The following HACE1 variants were observed in gnomAD, a reference collection of about 807,000 sequenced individuals.
The protein encoded by HACE1 is HECT domain and ankyrin repeat containing E3 ubiquitin protein ligase 1, also known as E3 ubiquitin-protein ligase HACE1.
Under a neutral mutation model 118.4 loss-of-function variants are expected in HACE1, and 73 were observed. That is an observed-to-expected ratio of 0.62 (90% CI 0.51 to 0.75). The LOEUF is 0.75. Among genes scored for constraint, HACE1 ranks in the 30% least tolerant of loss-of-function variants. The probability of loss-of-function intolerance (pLI) is 0.00; values close to 1 mark genes in which losing one functional copy is unlikely to be tolerated. For missense variants in HACE1, 749 were observed against 1,102.2 expected (o/e 0.68, Z 4.54); for synonymous variants, 368 against 374.8 (o/e 0.98, Z 0.21).
At chr6:104,844,292 C>T (rs887431756) in intron 4 of HACE1, among the ~76,000 whole-genome samples, 2 of 151,650 alleles carry the variant, frequency 1.3e-5, no homozygotes, top group Non-Finnish European at 2.9e-5. Context: ...GCCTAGGTCT[C>T]CCAAAGTGCA....
chr6:104,834,763 T>C (rs1014759188), intron 5 of HACE1, among the ~76,000 whole-genome samples: 3 of 152,160 alleles, frequency 2.0e-5, no homozygotes, highest in African/African-American at 4.8e-5. Context: ...AAAAATGTGA[T>C]TCAGATCACA....
In HACE1 at chr6:104,791,517, C is replaced by T. The variant is rs996826623; in HGVS notation, c.1061G>A (p.Ser354Asn). 2 of 1,613,052 alleles carry T rather than the reference C, an allele frequency of 1.2e-6. No individual in the cohort carries two copies. The highest frequency in any genetic ancestry group is 2.7e-5 in the African/African-American group (2 of 74,898). Reference protein sequence around the residue: ...MGYNGNKTPRSQVFKPLELLW... With the variant: ...MGYNGNKTPRNQVFKPLELLW... ...TACTTTTCTCACCTTGAACACCTGG[C>T]TTCTTGGAGTTTTATTCCCATTGTA... Residue 354 changes from serine to asparagine, a missense_variant, in exon 11 of 24, where the codon AGC becomes AAC. By Grantham distance (46) the Ser-to-Asn change is conservative. Around this residue, in one of 5 missense-constraint regions of HACE1, gnomAD observed 267 missense variants for 312.2 expected, o/e 0.86. Transcript: ENST00000262903.
intron 21 of HACE1, 134 bp downstream of exon 21, chr6:104,744,378 C>T: frequency 2.5e-6 from 2 of 799,040 alleles, no homozygotes; most frequent in Admixed American, 3.8e-5. Context: ...TTCATATGCA[C>T]TATTCCCACA....
intron 6 of HACE1, among the ~76,000 whole-genome samples, chr6:104,825,470 C>T (rs976155196): frequency 2.6e-5 from 4 of 151,822 alleles, no homozygotes; most frequent in African/African-American, 9.7e-5. Flanking sequence ...ATCAGACTAA[C>T]TGAAGGTAGT....
rs970429434 is a variant in HACE1 at position 104,729,475 on chromosome 6, G to A, written c.*187C>T. ...TACTGTGATTTTATATTTTCTAATT[G>A]TATCACAAACAGAGAAAACATAAAA... On this transcript the variant is annotated 3_prime_UTR_variant, in exon 24 of 24. Coordinates refer to ENST00000262903, the MANE Select transcript of HACE1 (RefSeq NM_020771.4). 1.3e-5 allele frequency: 8 copies of A among 597,584 alleles called. No homozygotes were observed. The highest frequency in any genetic ancestry group is 2.1e-5 in the Non-Finnish European group (7 of 335,860). The allele number at this position is 597,584 out of a possible 1,614,324, so 37.0% of individuals were successfully genotyped here.
At chr6:104,773,700 T>C (rs1780874069) in intron 17 of HACE1, among the ~76,000 whole-genome samples, 1 of 152,088 alleles carries the variant, frequency 6.6e-6, no homozygotes, top group Non-Finnish European at 1.5e-5. Flanking sequence ...CCTAGCTCTG[T>C]GTTTAATTCC....
chr6:104,735,267 G>A (rs887368734), intron 22 of HACE1, among the ~76,000 whole-genome samples: 15 of 151,624 alleles, frequency 9.9e-5, no homozygotes, highest in African/African-American at 3.1e-4. Context: ...AAATGATTGT[G>A]GAATACCAAA....
chr6:104,846,867 C>A (rs1218664325), intron 4 of HACE1, among the ~76,000 whole-genome samples: 1 of 152,098 alleles, frequency 6.6e-6, no homozygotes, highest in Non-Finnish European at 1.5e-5. Context: ...TAATAAAAAC[C>A]AAAATATTTA....
At chr6:104,769,508 C>T (rs1780392312) in intron 19 of HACE1, among the ~76,000 whole-genome samples, 1 of 152,088 alleles carries the variant, frequency 6.6e-6, no homozygotes, top group Non-Finnish European at 1.5e-5. Context: ...AAACATGCTA[C>T]AAGGTGAACA....
chr6:104,842,816 A>G (rs1413039109), intron 5 of HACE1, among the ~76,000 whole-genome samples: 2 of 152,188 alleles, frequency 1.3e-5, no homozygotes, highest in African/African-American at 4.8e-5. Flanking sequence ...TAATCCCTAT[A>G]AAGAAGTAAC....
chr6:104,776,730 G>A lies in HACE1; in HGVS notation c.1864+11C>T. On this transcript the variant is annotated intron_variant, in intron 17 of 23. Coordinates refer to ENST00000262903, the MANE Select transcript of HACE1 (RefSeq NM_020771.4). ...AGTTGCAGAAAAAGTCATCTAGACT[G>A]TACAACTTACCATCAGCTGACTGGG... The A allele has an allele frequency of 1.3e-6, 2 of 1,516,784 alleles. No individual in the cohort carries two copies. Among genetic ancestry groups the A allele is most frequent in the Non-Finnish European group, 1.8e-6 (2 of 1,091,216 alleles). The allele number at this position is 1,516,784 out of a possible 1,614,324, so 94.0% of individuals were successfully genotyped here. A position where few individuals can be genotyped will look rare whatever the true frequency, so the allele number is the denominator to read the frequency against.
intron 19 of HACE1, among the ~76,000 whole-genome samples, chr6:104,755,728 C>A (rs1304250386): frequency 6.6e-6 from 1 of 152,166 alleles, no homozygotes; most frequent in African/African-American, 2.4e-5. Flanking sequence ...TTATCTGAAA[C>A]TAATGAGAAC....
intron 19 of HACE1, among the ~76,000 whole-genome samples, chr6:104,758,743 A>C (rs1028202024): frequency 8.5e-5 from 13 of 152,330 alleles, no homozygotes; most frequent in Non-Finnish European, 1.8e-4. Context: ...CAATTAAAAG[A>C]CACAGACTGG....
intron 7 of HACE1, among the ~76,000 whole-genome samples, chr6:104,802,990 G>T (rs567135191): frequency 6.6e-6 from 1 of 152,152 alleles, no homozygotes; most frequent in African/African-American, 2.4e-5. Context: ...GAAGAAGAGA[G>T]AGAAGAATCA....
At chr6:104,764,778 G>T (rs1356382666) in intron 19 of HACE1, among the ~76,000 whole-genome samples, 1 of 152,098 alleles carries the variant, frequency 6.6e-6, no homozygotes, top group Non-Finnish European at 1.5e-5. Context: ...AACTCTGAAG[G>T]TATATTTTTT....
chr6:104,799,091 C>T (rs866549328), intron 7 of HACE1, among the ~76,000 whole-genome samples: 1 of 152,130 alleles, frequency 6.6e-6, no homozygotes, highest in Middle Eastern at 3.2e-3. Context: ...TAACAAGAGA[C>T]CTGAAACACA....
chr6:104,845,337 CATTG>C (rs922533443), intron 4 of HACE1, among the ~76,000 whole-genome samples: 1 of 151,976 alleles, frequency 6.6e-6, no homozygotes, highest in African/African-American at 2.4e-5. Context: ...CTAAAATTCT[CATTG>C]ATTGAATAAA....
chr6:104,805,321 G>C (rs936509483), intron 7 of HACE1, among the ~76,000 whole-genome samples: 5 of 152,174 alleles, frequency 3.3e-5, no homozygotes, highest in Admixed American at 2.6e-4. Flanking sequence ...TCTATAACTA[G>C]AAATACATTT....
intron 7 of HACE1, among the ~76,000 whole-genome samples, chr6:104,804,785 G>A (rs984452757): frequency 6.6e-6 from 1 of 152,148 alleles, no homozygotes; most frequent in African/African-American, 2.4e-5. Context: ...TACCATTCAA[G>A]ACATAGGCAT....
Sources: gnomAD v4.1 joint callset for allele counts (sites outside exome capture counted in the v4.1 genomes callset) on GRCh38, gnomAD v4.1.1 for gene constraint, gnomAD v4.1.1 regional missense constraint, MANE v1.5 for transcripts, NCBI Gene and HGNC (gene_info 2026-07-23, HGNC 2026-07-21) for gene names.